Variants in IQCF1 observed in about 807,000 individuals in gnomAD.
The protein encoded by IQCF1 is IQ domain-containing protein F1.
Under a neutral mutation model 12.5 loss-of-function variants are expected in IQCF1, and 9 were observed. The ratio of observed to expected loss-of-function variants is 0.72; its 90% confidence interval spans 0.43 to 1.26. IQCF1 has a LOEUF of 1.26. Among genes scored for constraint, IQCF1 ranks in the 50% most tolerant of loss-of-function variants. The pLI, the probability that IQCF1 is intolerant of heterozygous loss-of-function variation, is 0.00. For synonymous variants in IQCF1, 67 were observed against 96.2 expected, an observed-to-expected ratio of 0.70 and a Z score of 1.78; for missense variants, 252 against 257.4, an observed-to-expected ratio of 0.98 and a Z score of 0.14.
intron 2 of IQCF1, among the ~76,000 whole-genome samples, chr3:51,899,063 A>G (rs1372373386): frequency 6.6e-6 from 1 of 152,230 alleles, no homozygotes; most frequent in Admixed American, 6.5e-5. Context: ...GTTTTCAACA[A>G]AAGTAAAGTT....
chr3:51,902,827 GTACCT>G, intron 2 of IQCF1, 153 bp downstream of exon 2: 1 of 731,878 alleles, frequency 1.4e-6, no homozygotes, highest in South Asian at 1.4e-5. Flanking sequence ...TTCTATAGAA[GTACCT>G]TGCCTTGCTG....
At position 51,894,981 on chromosome 3, in the gene IQCF1, G is replaced by C. The variant is rs1698982229; in HGVS notation, c.527C>G (p.Thr176Arg). 2 of 1,614,266 alleles carry C rather than the reference G, an allele frequency of 1.2e-6. No homozygotes were observed. Among genetic ancestry groups the C allele is most frequent in the Non-Finnish European group, 1.7e-6 (2 of 1,180,054 alleles). ...CAGCTGGAGATGCAGCTGGTTGGCT[G>C]TGACTCTGTACTGGCCCTTGATGAA... Reference protein sequence around the residue: ...RGFIKGQYRVTANQLHLQLEI... With the variant: ...RGFIKGQYRVRANQLHLQLEI... The change falls in exon 4 of 4, where the codon ACA (threonine) becomes AGA (arginine). Residue 176 changes from threonine to arginine, a missense_variant. Transcript: ENST00000310914.
Position 51,895,401 on chromosome 3 carries a change from C to A in IQCF1, c.172-65G>T. 7.2e-7 allele frequency: 1 copy of A among 1,393,542 alleles called. No homozygotes were observed. Among genetic ancestry groups the A allele is most frequent in the South Asian group, 1.4e-5 (1 of 73,202 alleles). 86.3% of individuals were successfully genotyped at this position (1,393,542 alleles called of 1,614,324 possible). ...CACTGGCTTCAGCTCTGGGGTGTGCCAGGAAAGGCCCTGATTCCCTATCAG... is the reference window on the plus strand; with the variant it reads ...CACTGGCTTCAGCTCTGGGGTGTGCAAGGAAAGGCCCTGATTCCCTATCAG... On this transcript the variant is annotated intron_variant, in intron 3 of 3. Transcript: ENST00000310914. The surrounding 1 kb of genome is among the most constrained non-coding windows in gnomAD (Gnocchi z 4.8).
rs771863561 is a variant in IQCF1, at chr3:51,895,133, C to T, written c.375G>A (p.Glu125=). ...GGGACTGCAGTGTGACTGCTGCCCACTCCTTCCGGGAGAAGGCCTCTAGCG... is the reference window on the plus strand; with the variant it reads ...GGGACTGCAGTGTGACTGCTGCCCATTCCTTCCGGGAGAAGGCCTCTAGCG... The part of the protein sequence containing the change: ...QAALEAFSRK[E]WAAVTLQSQA... The change falls in exon 4 of 4, where the codon GAG becomes GAA. Residue 125 remains glutamate, a synonymous_variant. Coordinates refer to ENST00000310914, the MANE Select transcript of IQCF1 (RefSeq NM_152397.3). This position sits in a 1 kb window ranked among gnomAD's most constrained non-coding sequence, Gnocchi z 4.8. 1 of 1,614,270 alleles carries T rather than the reference C, an allele frequency of 6.2e-7. No individual in the cohort carries two copies.
At chr3:51,903,137 C>T in intron 1 of IQCF1, 48 bp from the exon 2 acceptor site, 1 of 1,586,238 alleles carries the variant, frequency 6.3e-7, no homozygotes, top group Non-Finnish European at 8.7e-7. Context: ...GCGGTCCCTC[C>T]CTCTCCATTC....
At chr3:51,902,938 G>T (rs1577638248) in intron 2 of IQCF1, 47 bp downstream of exon 2, 3 of 1,366,006 alleles carry the variant, frequency 2.2e-6, no homozygotes, top group East Asian at 4.6e-5. Flanking sequence ...CTAGCTACTA[G>T]CACTAGGACA....
chr3:51,895,430 C>T lies in IQCF1; in HGVS notation c.172-94G>A. The T allele has an allele frequency of 1.8e-6, 2 of 1,126,148 alleles. No individual in the cohort carries two copies. The highest frequency in any genetic ancestry group is 2.5e-6 in the Non-Finnish European group (2 of 797,292). 69.8% of individuals were successfully genotyped at this position (1,126,148 alleles called of 1,614,324 possible). ...AAAGGCCCTGATTCCCTATCAGCAA[C>T]TGTCTCTTTTTCTGGAATTCAGGAG... is the stretch of plus-strand genomic sequence containing the variant. On this transcript the variant is annotated intron_variant, in intron 3 of 3. Coordinates refer to ENST00000310914, the MANE Select transcript of IQCF1 (RefSeq NM_152397.3). The surrounding 1 kb of genome is among the most constrained non-coding windows in gnomAD (Gnocchi z 4.8).
At chr3:51,897,617 G>A (rs1396661710) in intron 2 of IQCF1, among the ~76,000 whole-genome samples, 1 of 152,166 alleles carries the variant, frequency 6.6e-6, no homozygotes, top group Non-Finnish European at 1.5e-5. Context: ...CAGCAACCTA[G>A]CTTAAAGGAT....
intron 2 of IQCF1, chr3:51,902,777 A>C (rs936931542): frequency 1.2e-5 from 7 of 579,148 alleles, no homozygotes; most frequent in Non-Finnish European, 2.2e-5. Context: ...CCCTTGTCCA[A>C]GTGTGCACTC....
rs1699056635 is a variant in IQCF1, at chr3:51,900,037, C to A, written c.108+2948G>T. 6.6e-6 allele frequency among the ~76,000 whole-genome samples: 1 copy of A among 152,168 alleles called. No individual in the cohort carries two copies. The highest frequency in any genetic ancestry group is 1.5e-5 in the Non-Finnish European group (1 of 68,036). ...AACAAAAGGTCAGTTTCTTAGAAATCATATACTCGGTTTATCTTCCACTTT... is the reference window on the plus strand; with the variant it reads ...AACAAAAGGTCAGTTTCTTAGAAATAATATACTCGGTTTATCTTCCACTTT... On this transcript the variant is annotated intron_variant, in intron 2 of 3. Transcript: ENST00000310914. The surrounding 1 kb of genome is among the most constrained non-coding windows in gnomAD (Gnocchi z 4.2).
In IQCF1 at chr3:51,895,211, C is replaced by G; in HGVS notation, c.297G>C (p.Gln99His). ...TGGACAGTATCAGCCGCCACCAGCA[C>G]TGAATGATGCAGGCACTGAGGGCTG... is the stretch of plus-strand genomic sequence containing the variant. The part of the protein sequence containing the change: ...LHAALSACII[Q>H]CWWRLILSKI... The change falls in exon 4 of 4, where the codon CAG (glutamine) becomes CAC (histidine). Residue 99 changes from glutamine to histidine, a missense_variant. By Grantham distance (24) the Gln-to-His change is conservative. Coordinates refer to ENST00000310914, the MANE Select transcript of IQCF1 (RefSeq NM_152397.3). This position sits in a 1 kb window ranked among gnomAD's most constrained non-coding sequence, Gnocchi z 4.8. 2 of 1,614,226 alleles carry G rather than the reference C, an allele frequency of 1.2e-6. No homozygotes were observed. Among genetic ancestry groups the G allele is most frequent in the Non-Finnish European group, 1.7e-6 (2 of 1,180,052 alleles).
chr3:51,896,992 A>C, intron 2 of IQCF1, 98 bp from the exon 3 acceptor site: 1 of 922,338 alleles, frequency 1.1e-6, no homozygotes, highest in Non-Finnish European at 1.8e-6. Context: ...TTTCTCTTCA[A>C]AGAATCAGTA....
In IQCF1 at chr3:51,903,081, C is replaced by CT; in HGVS notation, c.11dup (p.Gln5AlafsTer13). 7.4e-6 allele frequency: 12 copies of CT among 1,614,134 alleles called. No homozygotes were observed. The highest frequency in any genetic ancestry group is 1.0e-5 in the Non-Finnish European group (12 of 1,180,004). ...AGGGTTCCTTCGTCTTTTGGGGCTG[C>CT]TTCTCCTCCTGCAATCAGCATTAGG... On this transcript the variant is annotated frameshift_variant, in exon 2 of 4. Transcript: ENST00000310914. LOFTEE classifies it high-confidence loss of function.
chr3:51,895,371 C>A lies in IQCF1; in HGVS notation c.172-35G>T. The A allele has an allele frequency of 1.3e-6, 2 of 1,562,480 alleles. No homozygotes were observed. Among genetic ancestry groups the A allele is most frequent in the Admixed American group, 1.8e-5 (1 of 56,984 alleles). ...AAAAAAGAGGGACCTTCAGAGAATG[C>A]TCCCCACTGGCTTCAGCTCTGGGGT... On this transcript the variant is annotated intron_variant, in intron 3 of 3. Transcript: ENST00000310914. The surrounding 1 kb of genome is among the most constrained non-coding windows in gnomAD (Gnocchi z 4.8).
rs1358141059 is a variant in IQCF1, at chr3:51,895,003, T to C, written c.505A>G (p.Ile169Val). The part of the protein sequence containing the change: ...RCRSCASRGF[I>V]KGQYRVTANQ... ...GCTGTGACTCTGTACTGGCCCTTGA[T>C]GAACCCCCGGGAAGCACAGGAGCGG... The change falls in exon 4 of 4, where the codon ATC (isoleucine) becomes GTC (valine). Residue 169 changes from isoleucine (I) to valine (V), a missense_variant. Physicochemically the swap from Ile to Val is conservative, Grantham distance 29. Coordinates refer to ENST00000310914, the MANE Select transcript of IQCF1 (RefSeq NM_152397.3). This position sits in a 1 kb window ranked among gnomAD's most constrained non-coding sequence, Gnocchi z 4.8. 20 of 1,614,128 alleles carry C rather than the reference T, an allele frequency of 1.2e-5. No individual in the cohort carries two copies. The highest frequency in any genetic ancestry group is 1.7e-5 in the Non-Finnish European group (20 of 1,180,048).
chr3:51,902,887 G>C, intron 2 of IQCF1, 98 bp downstream of exon 2: 1 of 946,220 alleles, frequency 1.1e-6, no homozygotes, highest in South Asian at 1.3e-5. Context: ...TTTCTTTTGC[G>C]GCACAGAAAC....
chr3:51,902,864 T>A, intron 2 of IQCF1, 121 bp downstream of exon 2: 1 of 854,838 alleles, frequency 1.2e-6, no homozygotes, highest in Non-Finnish European at 2.0e-6. Context: ...GAAAATTTTA[T>A]ATTTGAGTGC....
At chr3:51,899,541 A>AAT (rs1278623792) in intron 2 of IQCF1, among the ~76,000 whole-genome samples, 1 of 152,132 alleles carries the variant, frequency 6.6e-6, no homozygotes, top group Non-Finnish European at 1.5e-5. Flanking sequence ...AAGGTTAAAA[A>AAT]TTTTTTTTGT....
intron 2 of IQCF1, among the ~76,000 whole-genome samples, chr3:51,901,255 A>G (rs1699072056): frequency 6.6e-6 from 1 of 152,196 alleles, no homozygotes. Context: ...CCAGGATTCT[A>G]CAGCCTGGAG....
Sources: gnomAD v4.1 joint callset for allele counts (sites outside exome capture counted in the v4.1 genomes callset) on GRCh38, gnomAD v4.1.1 for gene constraint, Gnocchi (gnomAD v3.1) non-coding constraint, MANE v1.5 for transcripts, NCBI Gene and HGNC (gene_info 2026-07-23, HGNC 2026-07-21) for gene names.